Variants in CTNNA3 observed in about 807,000 individuals in gnomAD.
The protein encoded by CTNNA3 is catenin alpha 3.
Under a neutral mutation model 95.7 loss-of-function variants are expected in CTNNA3, and 76 were observed. The ratio of observed to expected loss-of-function variants is 0.79; its 90% CI spans 0.66 to 0.96. CTNNA3 has a LOEUF of 0.96. CTNNA3 is among the 40% of genes least tolerant of loss of function. The pLI is 0.00. For missense variants in CTNNA3, 1,191 were observed against 1,089.8 expected (o/e 1.09, Z -1.31); for synonymous variants, 431 against 374.4 (o/e 1.15, Z -1.74).
At chr10:66,885,423 A>ATCC (rs141038999) in intron 7 of CTNNA3, among the ~76,000 whole-genome samples, 7,720 of 152,162 alleles carry the variant, frequency 0.051, 309 homozygotes, top group Non-Finnish European at 0.067. Flanking sequence ...GAGCAACCAT[A>ATCC]TCCTCCTGCA....
At chr10:66,385,511 T>C (rs2092882461) in intron 11 of CTNNA3, among the ~76,000 whole-genome samples, 1 of 152,084 alleles carries the variant, frequency 6.6e-6, no homozygotes, top group Admixed American at 6.6e-5. Flanking sequence ...CTACCAGAGA[T>C]ACAAAGAGGA....
chr10:66,039,284 A>C (rs2079632545), intron 15 of CTNNA3, among the ~76,000 whole-genome samples: 1 of 152,236 alleles, frequency 6.6e-6, no homozygotes, highest in African/African-American at 2.4e-5. Context: ...ACTAGGAAGA[A>C]TCAATATTGT....
At chr10:65,986,045 T>C (rs2133317456) in intron 16 of CTNNA3, among the ~76,000 whole-genome samples, 1 of 151,608 alleles carries the variant, frequency 6.6e-6, no homozygotes, top group South Asian at 2.1e-4. Flanking sequence ...CCATTTGTCT[T>C]TACTGATTGA....
chr10:67,319,879 A>G (rs1213564886), intron 5 of CTNNA3, among the ~76,000 whole-genome samples: 2 of 139,860 alleles, frequency 1.4e-5, no homozygotes, highest in East Asian at 4.3e-4. Context: ...CTGGGTGACA[A>G]GAGCGAGACT....
chr10:67,522,137 T>C (rs1363576058), intron 4 of CTNNA3, among the ~76,000 whole-genome samples, 176 bp from the exon 5 acceptor site: 1 of 152,198 alleles, frequency 6.6e-6, no homozygotes, highest in African/African-American at 2.4e-5. Context: ...GAAAGAGTTA[T>C]AAACCATATT....
intron 17 of CTNNA3, among the ~76,000 whole-genome samples, chr10:65,949,658 G>A (rs1035401768): frequency 2.6e-5 from 4 of 152,142 alleles, no homozygotes; most frequent in East Asian, 1.9e-4. Flanking sequence ...ACCTCAGAGC[G>A]GGTTGTGAAA....
intron 9 of CTNNA3, among the ~76,000 whole-genome samples, chr10:66,730,948 G>A (rs1006186795): frequency 1.3e-5 from 2 of 152,174 alleles, no homozygotes; most frequent in Non-Finnish European, 2.9e-5. Flanking sequence ...GAAGCCCTAG[G>A]AAAGTACAAA....
At chr10:67,711,683 C>T (rs1263475467) in intron 1 of CTNNA3, among the ~76,000 whole-genome samples, 1 of 151,392 alleles carries the variant, frequency 6.6e-6, no homozygotes, top group Non-Finnish European at 1.5e-5. Flanking sequence ...GCTGCACCCA[C>T]TAACTCGTCA....
At chr10:65,977,019 C>T (rs2078220198) in intron 16 of CTNNA3, among the ~76,000 whole-genome samples, 1 of 152,060 alleles carries the variant, frequency 6.6e-6, no homozygotes, top group Non-Finnish European at 1.5e-5. Flanking sequence ...TCGAACAATG[C>T]TTTTCCCACC....
At chr10:66,951,377 G>A (rs1288007893) in intron 7 of CTNNA3, among the ~76,000 whole-genome samples, 1 of 152,048 alleles carries the variant, frequency 6.6e-6, no homozygotes. Context: ...CTGCCTCCCA[G>A]AGTGCTGGGA....
chr10:67,697,677 G>A (rs1029537359), upstream of CTNNA3, among the ~76,000 whole-genome samples: 3 of 152,154 alleles, frequency 2.0e-5, no homozygotes, highest in African/African-American at 4.8e-5. Flanking sequence ...CCTTCTTACA[G>A]AATTTGGTGT....
chr10:66,677,044 T>C (rs1846883878), intron 9 of CTNNA3, among the ~76,000 whole-genome samples: 1 of 152,090 alleles, frequency 6.6e-6, no homozygotes, highest in African/African-American at 2.4e-5. Context: ...ATTAATTTAG[T>C]TGAATGGAAG....
chr10:66,918,504 T>C (rs1429103716), intron 7 of CTNNA3, among the ~76,000 whole-genome samples: 1 of 152,192 alleles, frequency 6.6e-6, no homozygotes, highest in African/African-American at 2.4e-5. Flanking sequence ...GAATAGACTC[T>C]TGTTAAACAT....
chr10:67,347,522 A>G (rs79595166), intron 5 of CTNNA3, among the ~76,000 whole-genome samples: 5,301 of 152,236 alleles, frequency 0.035, 286 homozygotes, highest in East Asian at 0.24. Context: ...GTGTACTACT[A>G]TGTTAGGTGC....
intron 11 of CTNNA3, among the ~76,000 whole-genome samples, chr10:66,416,959 A>C (rs141497018): frequency 1.6e-4 from 25 of 152,214 alleles, no homozygotes; most frequent in African/African-American, 6.0e-4. Flanking sequence ...GACAGACATT[A>C]AGAGGAAAAT....
chr10:67,518,259 G>A (rs1037638358), intron 5 of CTNNA3, among the ~76,000 whole-genome samples: 7 of 152,140 alleles, frequency 4.6e-5, no homozygotes, highest in African/African-American at 1.7e-4. Context: ...GCTAAGAATG[G>A]CAAAGAGTGA....
chr10:67,267,538 T>G (rs893673931), intron 5 of CTNNA3, among the ~76,000 whole-genome samples: 2 of 152,234 alleles, frequency 1.3e-5, no homozygotes, highest in South Asian at 4.2e-4. Flanking sequence ...CTAATTTTTT[T>G]GTATTTTTTA....
At chr10:66,812,175 A>G (rs1043384012) in intron 7 of CTNNA3, among the ~76,000 whole-genome samples, 2 of 152,180 alleles carry the variant, frequency 1.3e-5, no homozygotes, top group Non-Finnish European at 2.9e-5. Flanking sequence ...GTAACTTGCC[A>G]AGGATAATAA....
rs1843099801 is a variant in CTNNA3 at position 66,842,440 on chromosome 10, A to G, written c.1048-66916T>C. On this transcript the variant is annotated intron_variant, in intron 7 of 17. Transcript: ENST00000433211. ...CTCGTATTGAGAAGTAGAAGAGAACAGAATCACATGATGAATCAATGCCAG... is the reference window on the plus strand; with the variant it reads ...CTCGTATTGAGAAGTAGAAGAGAACGGAATCACATGATGAATCAATGCCAG... 2.6e-5 allele frequency among the ~76,000 whole-genome samples: 4 copies of G among 152,222 alleles called. No individual in the cohort carries two copies. In the South Asian group the frequency reaches 8.3e-4, roughly 32 times the overall value.
Sources: allele counts gnomAD v4.1 joint callset (sites outside exome capture counted in the v4.1 genomes callset), GRCh38; gene constraint gnomAD v4.1.1; transcripts MANE v1.5; gene names NCBI Gene and HGNC (gene_info 2026-07-23, HGNC 2026-07-21).